GSKIP: variants seen among roughly 807,000 people sequenced by gnomAD.
GSKIP encodes GSK3B interacting protein, also known as GSK3B-interacting protein.
In GSKIP, 5 loss-of-function variants were observed where a neutral mutation model predicts 11.9. The ratio of observed to expected loss-of-function variants is 0.42; its 90% confidence interval spans 0.22 to 0.89. The LOEUF (loss-of-function observed/expected upper bound fraction) is 0.89. GSKIP is among the 40% of genes least tolerant of loss of function. GSKIP has a pLI of 0.29. For synonymous variants in GSKIP, 70 were observed against 62.9 expected (o/e 1.11, Z -0.54); for missense variants, 150 against 166.6 (o/e 0.90, Z 0.55).
chr14:96,380,143 G>T (rs1889307502), intron 2 of GSKIP: 1 of 152,122 alleles, frequency 6.6e-6, no homozygotes, highest in Admixed American at 6.5e-5. Context: ...CCAACAGATT[G>T]CTCCAGCAAT....
intron 1 of GSKIP, among the ~76,000 whole-genome samples, chr14:96,377,673 G>T (rs1249890565): frequency 6.6e-6 from 1 of 152,050 alleles, no homozygotes; most frequent in Non-Finnish European, 1.5e-5. Context: ...CTCAAGTGTC[G>T]GTCAACATAG....
chr14:96,372,323 TC>T (rs1185583663), intron 1 of GSKIP, among the ~76,000 whole-genome samples: 1 of 152,174 alleles, frequency 6.6e-6, no homozygotes, highest in Admixed American at 6.5e-5. Context: ...TATCACAGGC[TC>T]CCATCTTCAT....
intron 1 of GSKIP, among the ~76,000 whole-genome samples, chr14:96,378,584 G>T (rs964021456): frequency 1.3e-5 from 2 of 152,094 alleles, no homozygotes; most frequent in Non-Finnish European, 2.9e-5. Flanking sequence ...CACTAATTTG[G>T]TAATTTATTA....
intron 1 of GSKIP, among the ~76,000 whole-genome samples, chr14:96,374,475 C>T (rs1443320279): frequency 6.6e-6 from 1 of 152,072 alleles, no homozygotes; most frequent in East Asian, 1.9e-4. Flanking sequence ...AGATAACAAT[C>T]ACATCAAATG....
intron 1 of GSKIP, among the ~76,000 whole-genome samples, chr14:96,377,146 A>G (rs77376624): frequency 0.01 from 1,571 of 152,284 alleles, 35 homozygotes; most frequent in African/African-American, 0.036. Flanking sequence ...TTAAATTTAA[A>G]TGAACCAAAA....
At chr14:96,377,072 T>C (rs1411698710) in intron 1 of GSKIP, among the ~76,000 whole-genome samples, 2 of 152,228 alleles carry the variant, frequency 1.3e-5, no homozygotes, top group East Asian at 3.8e-4. Flanking sequence ...CTGCTTATTA[T>C]ATTATCTGCA....
rs139603499 is a variant in GSKIP at position 96,375,155 on chromosome 14, A to G, written c.-102-4533A>G. Among the ~76,000 whole-genome samples, 10 of 152,342 alleles carry G rather than the reference A, an allele frequency of 6.6e-5. No homozygotes were observed. The East Asian group carries it at 1.9e-3, about 29-fold the overall frequency. ...AAGCTTTAAAGCAACCACCAAAAAC[A>G]CAACAAAAAATATCGTTAATAAGAA... On this transcript the variant is annotated intron_variant, in intron 1 of 3. Coordinates refer to ENST00000555181, the MANE Select transcript of GSKIP (RefSeq NM_016472.5).
intron 1 of GSKIP, among the ~76,000 whole-genome samples, chr14:96,367,302 T>C (rs1888913425): frequency 6.6e-6 from 1 of 152,146 alleles, no homozygotes; most frequent in African/African-American, 2.4e-5. Flanking sequence ...CAGAGTAAAT[T>C]AAGTGGCCAA....
chr14:96,382,198 A>C, intron 2 of GSKIP, 49 bp from the exon 3 acceptor site: 1 of 1,357,760 alleles, frequency 7.4e-7, no homozygotes, highest in Non-Finnish European at 1.0e-6. Flanking sequence ...AGTAGTTTGA[A>C]TGTCTTTCTA....
At chr14:96,382,598 G>C in intron 3 of GSKIP, 93 bp downstream of exon 3, 1 of 857,926 alleles carries the variant, frequency 1.2e-6, no homozygotes, top group Non-Finnish European at 1.7e-6. Flanking sequence ...AGTGTTAAAA[G>C]AGAACTGGAT....
intron 3 of GSKIP, among the ~76,000 whole-genome samples, chr14:96,385,267 T>C (rs530690208): frequency 3.0e-4 from 45 of 152,290 alleles, no homozygotes; most frequent in African/African-American, 1.0e-3. Flanking sequence ...TGTTGAAAAT[T>C]CTATAGGGAG....
At chr14:96,364,221 G>T (rs1343575255) in intron 1 of GSKIP, 1 of 152,242 alleles carries the variant, frequency 6.6e-6, no homozygotes, top group East Asian at 1.9e-4. Context: ...ACCTCGAAAG[G>T]CCTGGGTGCG....
chr14:96,371,806 T>C (rs1351939485), intron 1 of GSKIP, among the ~76,000 whole-genome samples: 4 of 152,152 alleles, frequency 2.6e-5, no homozygotes, highest in Admixed American at 1.3e-4. Flanking sequence ...TGGAAAGAGT[T>C]GCAAAAACTT....
chr14:96,375,826 G>A (rs1200339657), intron 1 of GSKIP, among the ~76,000 whole-genome samples: 6 of 152,218 alleles, frequency 3.9e-5, no homozygotes, highest in Non-Finnish European at 7.3e-5. Flanking sequence ...ACTCTGCAGA[G>A]TCCTGAGGTG....
intron 1 of GSKIP, among the ~76,000 whole-genome samples, chr14:96,365,533 T>C (rs1193572834): frequency 2.0e-5 from 3 of 151,488 alleles, no homozygotes; most frequent in East Asian, 1.9e-4. Context: ...CGTAGGCCAT[T>C]GATAAGAACT....
intron 1 of GSKIP, among the ~76,000 whole-genome samples, chr14:96,372,581 C>T (rs1889079548): frequency 6.6e-6 from 1 of 152,150 alleles, no homozygotes; most frequent in Non-Finnish European, 1.5e-5. Context: ...TGTCAAAATG[C>T]ATTTAATTCA....
chr14:96,367,584 G>C (rs1344169884), intron 1 of GSKIP, among the ~76,000 whole-genome samples: 1 of 152,100 alleles, frequency 6.6e-6, no homozygotes, highest in African/African-American at 2.4e-5. Flanking sequence ...GACTGTCTTT[G>C]CCCATTTTTT....
At chr14:96,373,229 CAAAAAA>C (rs57931398) in intron 1 of GSKIP, among the ~76,000 whole-genome samples, 3 of 82,812 alleles carry the variant, frequency 3.6e-5, no homozygotes, top group African/African-American at 5.0e-5. Context: ...GACTCTGTCT[CAAAAAA>C]AAAAAAAAAA....
At chr14:96,372,721 A>T (rs1224150279) in intron 1 of GSKIP, among the ~76,000 whole-genome samples, 1 of 152,238 alleles carries the variant, frequency 6.6e-6, no homozygotes, top group East Asian at 1.9e-4. Context: ...GGCACTGGAA[A>T]GAAAAATCCA....
Sources: gnomAD v4.1 joint callset for allele counts (sites outside exome capture counted in the v4.1 genomes callset) on GRCh38, gnomAD v4.1.1 for gene constraint, MANE v1.5 for transcripts, NCBI Gene and HGNC (gene_info 2026-07-23, HGNC 2026-07-21) for gene names.